The following SNX29 variants were observed in gnomAD, a reference collection of about 807,000 sequenced individuals.
SNX29 encodes the protein sorting nexin 29.
A neutral mutation model predicts 102.1 loss-of-function variants in SNX29; 78 were observed. The observed-to-expected ratio is 0.76, with a 90% CI of 0.64 to 0.92. SNX29 has a LOEUF of 0.92. Among genes scored for constraint, SNX29 ranks in the 40% least tolerant of loss-of-function variants. The probability of loss-of-function intolerance (pLI) is 0.00; values close to 1 mark genes in which losing one functional copy is unlikely to be tolerated. For synonymous variants in SNX29, 580 were observed against 414.5 expected (o/e 1.40, Z -4.85); for missense variants, 1,280 against 1,061.7 (o/e 1.21, Z -2.86).
chr16:12,572,750 C>T lies in SNX29; in HGVS notation c.*4121C>T, dbSNP rs370722590. The T allele has an allele frequency of 8.5e-6, 9 of 1,064,044 alleles. No homozygotes were observed. Among genetic ancestry groups the T allele is most frequent in the African/African-American group, 3.3e-5 (2 of 60,990 alleles). 65.9% of individuals were successfully genotyped at this position (1,064,044 alleles called of 1,614,324 possible). On this transcript the variant is annotated 3_prime_UTR_variant, in exon 21 of 21. Coordinates refer to ENST00000566228, the MANE Select transcript of SNX29 (RefSeq NM_032167.5). ...GATGGCAAAGGAAGGGCTGGGTTTTCAGCTTCTGGGACCCGAGGAAGACCC... is the reference window on the plus strand; with the variant it reads ...GATGGCAAAGGAAGGGCTGGGTTTTTAGCTTCTGGGACCCGAGGAAGACCC...
chr16:12,149,198 C>G (rs1245392190), intron 13 of SNX29, among the ~76,000 whole-genome samples: 1 of 152,124 alleles, frequency 6.6e-6, no homozygotes, highest in Non-Finnish European at 1.5e-5. Flanking sequence ...CTGCTGGAGC[C>G]CCAGCCCTGA....
chr16:12,164,636 C>T (rs1236023182), intron 13 of SNX29, among the ~76,000 whole-genome samples: 1 of 139,956 alleles, frequency 7.1e-6, no homozygotes, highest in East Asian at 2.1e-4. Flanking sequence ...ATGGGATTTT[C>T]TTACTTTGGG....
At chr16:12,547,599 G>A (rs771413050) in intron 20 of SNX29, among the ~76,000 whole-genome samples, 2 of 151,986 alleles carry the variant, frequency 1.3e-5, no homozygotes, top group African/African-American at 4.8e-5. Flanking sequence ...ACACCCCCAC[G>A]AAGTCAGCCT....
chr16:12,144,129 C>T (rs1421247511), intron 13 of SNX29, among the ~76,000 whole-genome samples: 1 of 152,158 alleles, frequency 6.6e-6, no homozygotes, highest in African/African-American at 2.4e-5. Context: ...CTAGACCACA[C>T]ATTTTAAGTA....
At position 12,460,614 on chromosome 16, in the gene SNX29, T is replaced by C. The variant is rs2086736541; in HGVS notation, c.2038-17105T>C. Reference sequence around the variant, plus strand: ...TGCCATAACACTTATTCCACTGGACTATAACTTTTTGGCTGGCTGGCTGCC... The same window carrying C: ...TGCCATAACACTTATTCCACTGGACCATAACTTTTTGGCTGGCTGGCTGCC... On this transcript the variant is annotated intron_variant, in intron 18 of 20. Transcript: ENST00000566228. 1.3e-5 allele frequency among the ~76,000 whole-genome samples: 2 copies of C among 151,754 alleles called. 1 individual carries two copies. Among genetic ancestry groups the C allele is most frequent in the South Asian group, 4.2e-4 (2 of 4,808 alleles).
intron 13 of SNX29, among the ~76,000 whole-genome samples, chr16:12,165,647 G>C (rs1029730953): frequency 2.0e-5 from 3 of 152,192 alleles, no homozygotes; most frequent in Non-Finnish European, 4.4e-5. Flanking sequence ...TGCAACCTCT[G>C]CCTCCCAGGT....
At chr16:12,145,461 G>A (rs1005991752) in intron 13 of SNX29, among the ~76,000 whole-genome samples, 8 of 151,978 alleles carry the variant, frequency 5.3e-5, no homozygotes, top group Non-Finnish European at 5.9e-5. Context: ...TAATGTGTAC[G>A]TTCGAATCCT....
intron 14 of SNX29, among the ~76,000 whole-genome samples, chr16:12,275,154 T>C (rs1454250402): frequency 6.6e-6 from 1 of 152,208 alleles, no homozygotes; most frequent in Non-Finnish European, 1.5e-5. Context: ...TTTGGGCCTC[T>C]TGGGGTGATC....
chr16:12,368,778 C>G (rs546977666), intron 16 of SNX29, among the ~76,000 whole-genome samples: 2 of 152,242 alleles, frequency 1.3e-5, no homozygotes, highest in African/African-American at 4.8e-5. Context: ...GTTTGCCGCT[C>G]ACAACGTCAC....
At chr16:12,405,939 G>C (rs1053472526) in intron 18 of SNX29, among the ~76,000 whole-genome samples, 14 of 152,132 alleles carry the variant, frequency 9.2e-5, no homozygotes, top group Non-Finnish European at 1.6e-4. Flanking sequence ...GGCTGAGGCA[G>C]GAGAACGGCT....
At chr16:12,562,864 T>C (rs2078807161) in intron 20 of SNX29, among the ~76,000 whole-genome samples, 1 of 152,176 alleles carries the variant, frequency 6.6e-6, no homozygotes, top group Non-Finnish European at 1.5e-5. Context: ...GCTCCCGGTC[T>C]GTGCTTTGTC....
At chr16:12,528,797 A>G (rs1001725715) in intron 20 of SNX29, among the ~76,000 whole-genome samples, 3 of 152,230 alleles carry the variant, frequency 2.0e-5, no homozygotes, top group African/African-American at 7.2e-5. Flanking sequence ...ACACTGTGCC[A>G]CTGTGTGTTC....
At chr16:12,496,836 T>A (rs2088852432) in intron 19 of SNX29, among the ~76,000 whole-genome samples, 1 of 152,150 alleles carries the variant, frequency 6.6e-6, no homozygotes, top group African/African-American at 2.4e-5. Context: ...TGATTTTTTT[T>A]CCTCTGAGCT....
intron 18 of SNX29, among the ~76,000 whole-genome samples, chr16:12,404,362 G>A (rs1328913671): frequency 6.6e-6 from 1 of 152,100 alleles, no homozygotes; most frequent in Non-Finnish European, 1.5e-5. Flanking sequence ...ATTTTCTGAA[G>A]CCTCTTTTAG....
intron 15 of SNX29, among the ~76,000 whole-genome samples, chr16:12,345,113 G>C (rs899631501): frequency 6.6e-6 from 1 of 152,194 alleles, no homozygotes; most frequent in Non-Finnish European, 1.5e-5. Context: ...GTTGTCAGTG[G>C]CTTTGGCAGT....
chr16:12,009,271 A>G (rs951702107), intron 3 of SNX29, among the ~76,000 whole-genome samples: 4 of 152,180 alleles, frequency 2.6e-5, no homozygotes, highest in African/African-American at 7.2e-5. Context: ...GAGTAGAGAC[A>G]GTGCTAGCAG....
chr16:12,518,953 G>A (rs981556964), intron 19 of SNX29, among the ~76,000 whole-genome samples: 1 of 152,150 alleles, frequency 6.6e-6, no homozygotes, highest in African/African-American at 2.4e-5. Flanking sequence ...CTGGGGCCTC[G>A]GCTGGTCATA....
At chr16:12,426,084 A>T (rs1016436225) in intron 18 of SNX29, among the ~76,000 whole-genome samples, 5 of 147,428 alleles carry the variant, frequency 3.4e-5, no homozygotes, top group African/African-American at 1.0e-4. Flanking sequence ...TAGTTATCTT[A>T]TTTTTTTTTT....
intron 3 of SNX29, among the ~76,000 whole-genome samples, chr16:12,013,542 T>TATAGAGAGAGAGAGAGAGAGAGAG (rs1382498593): frequency 1.8e-5 from 2 of 109,076 alleles, no homozygotes; most frequent in African/African-American, 7.0e-5. Context: ...TATATATATA[T>TATAGAGAGAGAGAGAGAGAGAGAG]CGAGAGAGGA....
Sources: gnomAD v4.1 joint callset for allele counts (sites outside exome capture counted in the v4.1 genomes callset) on GRCh38, gnomAD v4.1.1 for gene constraint, MANE v1.5 for transcripts, NCBI Gene and HGNC (gene_info 2026-07-23, HGNC 2026-07-21) for gene names.